The following ASIC2 variants were observed in gnomAD, a reference collection of about 807,000 sequenced individuals.
The protein encoded by ASIC2 is acid sensing ion channel subunit 2, also known as acid-sensing ion channel 2.
ASIC2 carries 25 observed loss-of-function variants against 57.3 expected under a neutral mutation model. The observed-to-expected ratio is 0.44, with a 90% CI of 0.32 to 0.61. The LOEUF (loss-of-function observed/expected upper bound fraction) is 0.61, where lower values mean the gene tolerates loss of function less well. Among genes scored for constraint, ASIC2 ranks in the 20% least tolerant of loss-of-function variants. The probability of loss-of-function intolerance (pLI) is 0.06; values close to 1 mark genes in which losing one functional copy is unlikely to be tolerated. For missense variants in ASIC2, 641 were observed against 738.1 expected (o/e 0.87, Z 1.52); for synonymous variants, 319 against 307.5 (o/e 1.04, Z -0.39).
intron 1 of ASIC2, among the ~76,000 whole-genome samples, chr17:34,148,695 G>C (rs1904387688): frequency 6.6e-6 from 1 of 152,120 alleles, no homozygotes. Context: ...CAGGATGTGT[G>C]ACTTTGTGTA....
intron 1 of ASIC2, among the ~76,000 whole-genome samples, chr17:34,032,604 T>C (rs4390642): frequency 0.29 from 43,883 of 151,186 alleles, 6,313 homozygotes; most frequent in East Asian, 0.39. Context: ...CAGTGTGCTG[T>C]ATTCAGGAAA....
At chr17:33,646,954 T>C (rs1033087414) in intron 1 of ASIC2, among the ~76,000 whole-genome samples, 3 of 151,912 alleles carry the variant, frequency 2.0e-5, no homozygotes, top group Non-Finnish European at 4.4e-5. Context: ...CTGAGAAGGC[T>C]CCTTGTGAAC....
chr17:33,359,399 C>G (rs1303774742), intron 1 of ASIC2, among the ~76,000 whole-genome samples: 1 of 152,170 alleles, frequency 6.6e-6, no homozygotes, highest in Non-Finnish European at 1.5e-5. Flanking sequence ...AGGATTCGAT[C>G]TTAGAAGAAA....
At chr17:33,382,389 G>A (rs888489808) in intron 1 of ASIC2, among the ~76,000 whole-genome samples, 1 of 152,126 alleles carries the variant, frequency 6.6e-6, no homozygotes, top group Non-Finnish European at 1.5e-5. Context: ...TACGGTGGGA[G>A]GCCTCTCTAT....
At chr17:33,331,548 T>C (rs1424410600) in intron 1 of ASIC2, among the ~76,000 whole-genome samples, 1 of 152,232 alleles carries the variant, frequency 6.6e-6, no homozygotes, top group Non-Finnish European at 1.5e-5. Flanking sequence ...ACTAAAAGCA[T>C]AGAATTGAAA....
chr17:33,633,366 T>A (rs1906238234), intron 1 of ASIC2, among the ~76,000 whole-genome samples: 1 of 152,046 alleles, frequency 6.6e-6, no homozygotes, highest in Admixed American at 6.6e-5. Flanking sequence ...AGATCACGAG[T>A]GGACTCTGGG....
chr17:33,080,547 T>C (rs565830817), intron 3 of ASIC2, among the ~76,000 whole-genome samples: 9 of 152,148 alleles, frequency 5.9e-5, no homozygotes, highest in Non-Finnish European at 1.2e-4. Context: ...TTTTTTTTCC[T>C]ATATATACAT....
intron 1 of ASIC2, among the ~76,000 whole-genome samples, chr17:33,411,924 C>T (rs538215014): frequency 3.4e-4 from 52 of 152,210 alleles, no homozygotes; most frequent in Admixed American, 7.2e-4. Flanking sequence ...TAAAAGAGAT[C>T]GCAATCTTAT....
intron 1 of ASIC2, among the ~76,000 whole-genome samples, chr17:33,464,506 T>TTCTCTC (rs1233774521): frequency 2.7e-5 from 1 of 37,662 alleles, no homozygotes; most frequent in Non-Finnish European, 5.8e-5. Flanking sequence ...CTTTCTTTCT[T>TTCTCTC]TCTTTCTTTC....
chr17:33,186,828 G>A (rs975646842), intron 1 of ASIC2, among the ~76,000 whole-genome samples: 1 of 152,210 alleles, frequency 6.6e-6, no homozygotes, highest in Non-Finnish European at 1.5e-5. Flanking sequence ...AGCTTGATAA[G>A]TAGGTGCTTC....
At chr17:34,120,045 T>C (rs1911558179) in intron 1 of ASIC2, 1 of 152,158 alleles carries the variant, frequency 6.6e-6, no homozygotes, top group African/African-American at 2.4e-5. Context: ...CTCAAAGCAA[T>C]TGCAGTTTTT....
chr17:33,396,767 T>C (rs1910092205), intron 1 of ASIC2, among the ~76,000 whole-genome samples: 1 of 152,292 alleles, frequency 6.6e-6, no homozygotes, highest in Non-Finnish European at 1.5e-5. Context: ...CCTGAAAATA[T>C]ATCAGAAGGA....
chr17:33,739,203 G>A (rs1231685313), intron 1 of ASIC2, among the ~76,000 whole-genome samples: 6 of 152,224 alleles, frequency 3.9e-5, no homozygotes, highest in Non-Finnish European at 8.8e-5. Context: ...AATAGAGATT[G>A]AAATCTGTGT....
intron 1 of ASIC2, among the ~76,000 whole-genome samples, chr17:33,545,798 A>T (rs1000590686): frequency 1.3e-5 from 2 of 152,172 alleles, no homozygotes; most frequent in South Asian, 4.1e-4. Flanking sequence ...GATACTTATT[A>T]TTTAAAGAAT....
rs930693897 is a variant in ASIC2 at position 33,812,610 on chromosome 17, A to G, written c.555+343368T>C. ...TAGGAATGATGGATCCTGGGCAGAG[A>G]GGACCTGACCCAGCTCCTTTAAGAC... On this transcript the variant is annotated intron_variant, in intron 1 of 9. Coordinates refer to the ASIC2 transcript ENST00000359872. 1.6e-4 allele frequency among the ~76,000 whole-genome samples: 25 copies of G among 152,144 alleles called. 1 individual carries two copies. Among genetic ancestry groups the G allele is most frequent in the African/African-American group, 6.0e-4 (25 of 41,412 alleles).
chr17:33,343,347 G>A lies in ASIC2; in HGVS notation c.556-231280C>T, dbSNP rs189155065. ...TTCTAATCCTCTCTGATGTAGTTCC[G>A]TGATTCTTAATAGATTCCACTGGCT... On this transcript the variant is annotated intron_variant, in intron 1 of 9. Transcript: ENST00000359872. Among the ~76,000 whole-genome samples the A allele has an allele frequency of 1.1e-4, 17 of 152,260 alleles. No homozygotes were observed. In the East Asian group the frequency reaches 1.7e-3, roughly 16 times the overall value.
chr17:34,016,380 C>T (rs1056647586), intron 1 of ASIC2, among the ~76,000 whole-genome samples: 7 of 146,136 alleles, frequency 4.8e-5, no homozygotes, highest in South Asian at 2.2e-4. Context: ...GCTGAGATCC[C>T]GCCACTACAA....
chr17:33,068,515 G>A (rs1376627631), intron 3 of ASIC2, among the ~76,000 whole-genome samples: 1 of 131,110 alleles, frequency 7.6e-6, no homozygotes, highest in African/African-American at 2.8e-5. Flanking sequence ...GGCAACAAGA[G>A]CGAAACTCCA....
At chr17:33,168,327 G>A (rs1905382251) in intron 1 of ASIC2, among the ~76,000 whole-genome samples, 1 of 152,184 alleles carries the variant, frequency 6.6e-6, no homozygotes, top group South Asian at 2.1e-4. Flanking sequence ...TTGGAACTGA[G>A]TAATGGGTAG....
Sources: allele counts gnomAD v4.1 joint callset (sites outside exome capture counted in the v4.1 genomes callset), GRCh38; gene constraint gnomAD v4.1.1; transcripts MANE v1.5; gene names NCBI Gene and HGNC (gene_info 2026-07-23, HGNC 2026-07-21).